Variants in CSNK1G1 observed in about 807,000 individuals in gnomAD.
The protein encoded by CSNK1G1 is casein kinase 1 gamma 1.
A neutral mutation model predicts 59.6 loss-of-function variants in CSNK1G1; 22 were observed. The observed-to-expected ratio is 0.37, with a 90% CI of 0.26 to 0.53. CSNK1G1 has a LOEUF of 0.53. Ranked by LOEUF, CSNK1G1 falls within the 20% of genes least tolerant of loss-of-function variation. The probability of loss-of-function intolerance (pLI) is 0.89; values close to 1 mark genes in which losing one functional copy is unlikely to be tolerated. For missense variants in CSNK1G1, 384 were observed against 519.5 expected, an observed-to-expected ratio of 0.74 and a Z score of 2.54; for synonymous variants, 179 against 177.1, an observed-to-expected ratio of 1.01 and a Z score of -0.08.
At chr15:64,350,344 A>G (rs1345799523) in intron 1 of CSNK1G1, among the ~76,000 whole-genome samples, 1 of 151,782 alleles carries the variant, frequency 6.6e-6, no homozygotes, top group Non-Finnish European at 1.5e-5. Flanking sequence ...ATACAAAAAG[A>G]AAAAAAATTA....
chr15:64,309,875 C>G (rs1311433539), intron 1 of CSNK1G1, among the ~76,000 whole-genome samples: 1 of 152,034 alleles, frequency 6.6e-6, no homozygotes, highest in African/African-American at 2.4e-5. Context: ...TTTGGGAGGT[C>G]AAGACAAGAT....
At chr15:64,234,647 G>A (rs2082591312) in intron 4 of CSNK1G1, among the ~76,000 whole-genome samples, 1 of 152,144 alleles carries the variant, frequency 6.6e-6, no homozygotes, top group Non-Finnish European at 1.5e-5. Flanking sequence ...AATGTCTCAA[G>A]GCAAAATGGC....
chr15:64,282,997 T>C (rs1020478068), intron 2 of CSNK1G1, among the ~76,000 whole-genome samples: 8 of 152,138 alleles, frequency 5.3e-5, no homozygotes, highest in African/African-American at 1.9e-4. Context: ...AATGATACAA[T>C]GGACTTTGGG....
intron 1 of CSNK1G1, among the ~76,000 whole-genome samples, chr15:64,351,747 C>A (rs891369309): frequency 6.6e-6 from 1 of 152,054 alleles, no homozygotes; most frequent in Non-Finnish European, 1.5e-5. Context: ...GGTATGCTGG[C>A]GCACACCTGT....
chr15:64,182,062 T>TTG (rs1166690227), intron 10 of CSNK1G1, among the ~76,000 whole-genome samples: 3 of 136,160 alleles, frequency 2.2e-5, no homozygotes, highest in Non-Finnish European at 4.7e-5. Flanking sequence ...CGTTTTTTTT[T>TTG]TTTTTTTTTT....
At chr15:64,189,684 T>C (rs2081943852) in intron 10 of CSNK1G1, among the ~76,000 whole-genome samples, 1 of 152,150 alleles carries the variant, frequency 6.6e-6, no homozygotes, top group Non-Finnish European at 1.5e-5. Flanking sequence ...AAGGAAGTAA[T>C]GGTTTGAGGG....
intron 9 of CSNK1G1, 42 bp downstream of exon 9, chr15:64,204,399 G>A (rs1250945279): frequency 6.7e-7 from 1 of 1,492,506 alleles, no homozygotes; most frequent in East Asian, 2.3e-5. Context: ...TTGGAGAAAG[G>A]AGGTAATGAG....
intron 6 of CSNK1G1, among the ~76,000 whole-genome samples, chr15:64,209,310 G>A (rs2082222072): frequency 6.6e-6 from 1 of 152,174 alleles, no homozygotes; most frequent in Admixed American, 6.5e-5. Context: ...TGTACAGAAA[G>A]TAAAACCCAA....
intron 2 of CSNK1G1, among the ~76,000 whole-genome samples, chr15:64,294,028 T>C (rs1894880038): frequency 6.6e-6 from 1 of 152,148 alleles, no homozygotes; most frequent in South Asian, 2.1e-4. Context: ...ATTGATGAGA[T>C]ATATTTAAGT....
At chr15:64,296,995 C>T (rs1394288459) in intron 2 of CSNK1G1, among the ~76,000 whole-genome samples, 1 of 144,900 alleles carries the variant, frequency 6.9e-6, no homozygotes, top group East Asian at 2.0e-4. Context: ...CTATCTACCA[C>T]CACCCCCACA....
chr15:64,299,151 CA>C (rs2140400494), intron 2 of CSNK1G1, among the ~76,000 whole-genome samples: 1 of 152,210 alleles, frequency 6.6e-6, no homozygotes, highest in Admixed American at 6.5e-5. Context: ...CACATTAATC[CA>C]CAGTCTCAAG....
rs141452539 is a variant in CSNK1G1 at position 64,242,094 on chromosome 15, G to GA, written c.292+9417dup. ...ATGAACAACTATATGCTAACAAACT[G>GA]AAAAACCTAATGGAAATGGATAAAT... On this transcript the variant is annotated intron_variant, in intron 4 of 11. Coordinates refer to ENST00000303052, the MANE Select transcript of CSNK1G1 (RefSeq NM_022048.5). Among the ~76,000 whole-genome samples, 1,172 of 152,112 alleles carry GA rather than the reference G, an allele frequency of 7.7e-3. 12 individuals carry two copies. Among genetic ancestry groups the GA allele is most frequent in the African/African-American group, 0.027 (1,131 of 41,466 alleles).
intron 4 of CSNK1G1, among the ~76,000 whole-genome samples, chr15:64,243,967 G>C (rs1457710379): frequency 1.3e-5 from 2 of 151,972 alleles, no homozygotes; most frequent in Non-Finnish European, 2.9e-5. Context: ...TCAGGACTTC[G>C]AGAACAGCCT....
intron 11 of CSNK1G1, among the ~76,000 whole-genome samples, chr15:64,175,616 C>A (rs1177580182): frequency 6.6e-6 from 1 of 152,028 alleles, no homozygotes; most frequent in African/African-American, 2.4e-5. Context: ...TCCAATATAT[C>A]AATTAGCTGA....
At chr15:64,263,405 G>C (rs925903947) in intron 2 of CSNK1G1, among the ~76,000 whole-genome samples, 1 of 151,836 alleles carries the variant, frequency 6.6e-6, no homozygotes, top group Non-Finnish European at 1.5e-5. Context: ...GCCAGGATGG[G>C]CTCGATCTCT....
chr15:64,249,362 AAG>A (rs1467649240), intron 4 of CSNK1G1, among the ~76,000 whole-genome samples: 1 of 152,200 alleles, frequency 6.6e-6, no homozygotes, highest in African/African-American at 2.4e-5. Flanking sequence ...TATCTTGGAA[AAG>A]TCTGCAGCTA....
chr15:64,259,573 G>A (rs1017493500), intron 2 of CSNK1G1, among the ~76,000 whole-genome samples: 10 of 150,672 alleles, frequency 6.6e-5, no homozygotes, highest in Non-Finnish European at 1.2e-4. Context: ...GGCAATTCAA[G>A]AAGAAATGCC....
intron 3 of CSNK1G1, among the ~76,000 whole-genome samples, chr15:64,253,139 G>T (rs998277509): frequency 3.3e-5 from 5 of 152,156 alleles, no homozygotes; most frequent in African/African-American, 1.2e-4. Context: ...GAGCCCAGGG[G>T]TTCGAGACCA....
In CSNK1G1 at chr15:64,171,615, A is replaced by G. The variant is rs1013959301; in HGVS notation, c.*316T>C. 7.6e-6 allele frequency: 3 copies of G among 393,766 alleles called. No individual in the cohort carries two copies. Among genetic ancestry groups the G allele is most frequent in the Non-Finnish European group, 1.4e-5 (3 of 214,990 alleles). 24.4% of individuals were successfully genotyped at this position (393,766 alleles called of 1,614,324 possible). A position where few individuals can be genotyped will look rare whatever the true frequency, so the allele number is the denominator to read the frequency against. ...AACTAAGGGGAAGAAGGAGAATAGCAGTCCTTGAGTTTTTGTGAATGACAC... is the reference window on the plus strand; with the variant it reads ...AACTAAGGGGAAGAAGGAGAATAGCGGTCCTTGAGTTTTTGTGAATGACAC... On this transcript the variant is annotated 3_prime_UTR_variant, in exon 12 of 12. Coordinates refer to ENST00000303052, the MANE Select transcript of CSNK1G1 (RefSeq NM_022048.5). This position sits in a 1 kb window ranked among gnomAD's most constrained non-coding sequence, Gnocchi z 4.8.
Sources: gnomAD v4.1 joint callset for allele counts (sites outside exome capture counted in the v4.1 genomes callset) on GRCh38, gnomAD v4.1.1 for gene constraint, Gnocchi (gnomAD v3.1) non-coding constraint, MANE v1.5 for transcripts, NCBI Gene and HGNC (gene_info 2026-07-23, HGNC 2026-07-21) for gene names.